The following STAG1 variants were observed in gnomAD, a reference collection of about 807,000 sequenced individuals.
STAG1 encodes cohesin subunit SA-1.
In STAG1, 26 loss-of-function variants were observed where a neutral mutation model predicts 170.9. That is an observed-to-expected ratio of 0.15 (90% confidence interval 0.11 to 0.21). The LOEUF is 0.21. STAG1 is among the 10% of genes least tolerant of loss of function. The pLI, the probability that STAG1 is intolerant of heterozygous loss-of-function variation, is 1.00. For synonymous variants in STAG1, 514 were observed against 497.7 expected (o/e 1.03, Z -0.44); for missense variants, 964 against 1,509.5 (o/e 0.64, Z 5.99).
intron 29 of STAG1, among the ~76,000 whole-genome samples, chr3:136,347,707 T>G (rs912207512): frequency 5.9e-5 from 9 of 152,226 alleles, no homozygotes; most frequent in African/African-American, 1.7e-4. Flanking sequence ...TAGATAGATA[T>G]GAGGCATTAC....
intron 1 of STAG1, among the ~76,000 whole-genome samples, chr3:136,714,527 G>T (rs1255207284): frequency 2.6e-5 from 4 of 151,948 alleles, no homozygotes; most frequent in Non-Finnish European, 4.4e-5. Context: ...AGGAGATCAA[G>T]ACCATCCTGC....
intron 7 of STAG1, among the ~76,000 whole-genome samples, chr3:136,519,729 GAATAATA>G (rs1934578078): frequency 6.6e-6 from 1 of 151,882 alleles, no homozygotes; most frequent in African/African-American, 2.4e-5. Context: ...ATAACTGTTT[GAATAATA>G]AACAGTATTT....
chr3:136,345,277 A>AC (rs1936171197), intron 29 of STAG1, among the ~76,000 whole-genome samples: 1 of 151,654 alleles, frequency 6.6e-6, no homozygotes, highest in Admixed American at 6.6e-5. Context: ...TTTAGTAGAG[A>AC]TGGGTTTCAC....
intron 1 of STAG1, among the ~76,000 whole-genome samples, chr3:136,634,084 T>A (rs892471705): frequency 6.8e-6 from 1 of 147,226 alleles, no homozygotes; most frequent in African/African-American, 2.5e-5. Context: ...GAGGTTGCAG[T>A]GAGCCAAGAT....
chr3:136,511,799 T>C (rs1480618947), intron 7 of STAG1, among the ~76,000 whole-genome samples: 1 of 152,016 alleles, frequency 6.6e-6, no homozygotes, highest in African/African-American at 2.4e-5. Flanking sequence ...GAACGTCAAA[T>C]AAAAGTTAAA....
intron 1 of STAG1, among the ~76,000 whole-genome samples, chr3:136,751,490 C>G (rs948400142): frequency 2.6e-5 from 4 of 152,002 alleles, no homozygotes; most frequent in Non-Finnish European, 5.9e-5. Flanking sequence ...GGCAAACTAG[C>G]GGGGCAGTGC....
chr3:136,601,780 T>C (rs886300646), intron 4 of STAG1, among the ~76,000 whole-genome samples: 5 of 151,922 alleles, frequency 3.3e-5, no homozygotes, highest in African/African-American at 4.8e-5. Context: ...GAAGTTGCAG[T>C]GAGCTGAGAT....
intron 7 of STAG1, among the ~76,000 whole-genome samples, chr3:136,509,472 GGA>G (rs1933942141): frequency 6.6e-6 from 1 of 152,056 alleles, no homozygotes; most frequent in African/African-American, 2.4e-5. Context: ...TGCAGGTATG[GGA>G]GAGATGGTTG....
chr3:136,457,725 A>C (rs936844388), intron 13 of STAG1, among the ~76,000 whole-genome samples: 3 of 152,214 alleles, frequency 2.0e-5, no homozygotes, highest in Non-Finnish European at 4.4e-5. Flanking sequence ...AACTGAAAAA[A>C]ATTCAGAGTA....
chr3:136,613,261 T>A (rs144407016), intron 3 of STAG1, among the ~76,000 whole-genome samples: 1 of 128,526 alleles, frequency 7.8e-6, no homozygotes, highest in African/African-American at 3.0e-5. Flanking sequence ...GCCACGATCA[T>A]GCCACTGCAC....
In STAG1 at chr3:136,583,257, CCTT is replaced by C. The variant is rs534220537; in HGVS notation, c.298-14399_298-14397del. ...GACTCAAAACAGGACCACTCAGAAT[CCTT>C]CTCATTCTAACTTTTTTCTAGTTTT... On this transcript the variant is annotated intron_variant, in intron 4 of 33. Coordinates refer to ENST00000383202, the MANE Select transcript of STAG1 (RefSeq NM_005862.3). 9.9e-5 allele frequency among the ~76,000 whole-genome samples: 15 copies of C among 152,178 alleles called. No homozygotes were observed. In the South Asian group the frequency reaches 2.1e-3, roughly 21 times the overall value.
intron 4 of STAG1, among the ~76,000 whole-genome samples, chr3:136,583,791 A>G (rs928014009): frequency 1.3e-5 from 2 of 152,202 alleles, no homozygotes; most frequent in African/African-American, 2.4e-5. Flanking sequence ...ACTGTCTCTC[A>G]AGGAGATTTA....
intron 1 of STAG1, among the ~76,000 whole-genome samples, chr3:136,715,393 G>A (rs1301829235): frequency 6.6e-6 from 1 of 151,822 alleles, no homozygotes; most frequent in Non-Finnish European, 1.5e-5. Context: ...GGCCAAGGCA[G>A]GCGGATCATG....
At chr3:136,544,678 T>A (rs938634690) in intron 5 of STAG1, among the ~76,000 whole-genome samples, 2 of 151,478 alleles carry the variant, frequency 1.3e-5, no homozygotes, top group Admixed American at 1.3e-4. Context: ...GGCACAAGAA[T>A]CTCTGGAACC....
chr3:136,441,451 A>G (rs1236565139), intron 15 of STAG1, among the ~76,000 whole-genome samples: 3 of 152,222 alleles, frequency 2.0e-5, no homozygotes, highest in Admixed American at 6.5e-5. Context: ...AAGGTCTGAG[A>G]AAAGTTTGGG....
intron 22 of STAG1, among the ~76,000 whole-genome samples, chr3:136,392,989 T>C (rs1323931318): frequency 7.9e-5 from 12 of 152,104 alleles, no homozygotes; most frequent in African/African-American, 2.4e-4. Context: ...ATATGTGACC[T>C]CTTGAGAGAT....
intron 12 of STAG1, among the ~76,000 whole-genome samples, chr3:136,470,636 G>A (rs2089602224): frequency 6.6e-6 from 1 of 152,100 alleles, no homozygotes; most frequent in Non-Finnish European, 1.5e-5. Context: ...CCATTACTGG[G>A]TATATACCCA....
At chr3:136,501,381 T>C (rs558932139) in intron 8 of STAG1, among the ~76,000 whole-genome samples, 10 of 152,298 alleles carry the variant, frequency 6.6e-5, no homozygotes, top group African/African-American at 2.4e-4. Flanking sequence ...CTGTGGCAGA[T>C]TTAATTCATT....
At chr3:136,648,256 G>A (rs895498634) in intron 1 of STAG1, among the ~76,000 whole-genome samples, 26 of 152,290 alleles carry the variant, frequency 1.7e-4, no homozygotes, top group African/African-American at 5.8e-4. Context: ...AAATCATTGA[G>A]TCACCTGGGT....
Sources: allele counts gnomAD v4.1 joint callset (sites outside exome capture counted in the v4.1 genomes callset), GRCh38; gene constraint gnomAD v4.1.1; transcripts MANE v1.5; gene names NCBI Gene and HGNC (gene_info 2026-07-23, HGNC 2026-07-21).